GEMIN5: variants seen among roughly 807,000 people sequenced by gnomAD.
The protein encoded by GEMIN5 is gem-associated protein 5.
A neutral mutation model predicts 176.9 loss-of-function variants in GEMIN5; 124 were observed. That is an observed-to-expected ratio of 0.70 (90% CI 0.61 to 0.81). The LOEUF (loss-of-function observed/expected upper bound fraction) is 0.81, where lower values mean the gene tolerates loss of function less well. GEMIN5 is among the 40% of genes least tolerant of loss of function. The pLI, the probability that GEMIN5 is intolerant of heterozygous loss-of-function variation, is 0.00. For synonymous variants in GEMIN5, 673 were observed against 665.2 expected, an observed-to-expected ratio of 1.01 and a Z score of -0.18; for missense variants, 1,843 against 1,814.6, an observed-to-expected ratio of 1.02 and a Z score of -0.28.
At chr5:154,924,378 G>A in intron 9 of GEMIN5, 91 bp downstream of exon 9, 1 of 734,530 alleles carries the variant, frequency 1.4e-6, no homozygotes, top group Non-Finnish European at 2.4e-6. Context: ...GCAACGTTAT[G>A]AAAAGGAAAG....
chr5:154,904,120 G>A (rs1246480728), intron 18 of GEMIN5, among the ~76,000 whole-genome samples: 1 of 151,942 alleles, frequency 6.6e-6, no homozygotes, highest in African/African-American at 2.4e-5. Context: ...GCCATATTAT[G>A]AGCATATTTC....
chr5:154,932,392 A>C, intron 3 of GEMIN5, 142 bp from the exon 4 acceptor site: 1 of 617,796 alleles, frequency 1.6e-6, no homozygotes, highest in Non-Finnish European at 2.8e-6. Context: ...AGAGGACAAA[A>C]AATAATTTTG....
chr5:154,931,880 G>A (rs953864090), intron 4 of GEMIN5, among the ~76,000 whole-genome samples: 1 of 152,234 alleles, frequency 6.6e-6, no homozygotes, highest in African/African-American at 2.4e-5. Context: ...GGGCGTGGTG[G>A]CGCATGCCTG....
At chr5:154,888,880 CAG>C (rs1192882925) in intron 27 of GEMIN5, among the ~76,000 whole-genome samples, 16 of 100,982 alleles carry the variant, frequency 1.6e-4, no homozygotes, top group Admixed American at 8.8e-4. Context: ...TTTTTTGAGA[CAG>C]AGTCTCGCTC....
Position 154,899,180 on chromosome 5 carries a change from C to A in GEMIN5, c.3134+11G>T. On this transcript the variant is annotated intron_variant, in intron 22 of 27. Transcript: ENST00000285873. Reference sequence around the variant, plus strand: ...CTATGTTGGAAGCATCCCTCCACTCCTCAGGCTTACCATTTGGCAGCTACA... The same window carrying A: ...CTATGTTGGAAGCATCCCTCCACTCATCAGGCTTACCATTTGGCAGCTACA... 1 of 1,607,966 alleles carries A rather than the reference C, an allele frequency of 6.2e-7. No homozygotes were observed.
chr5:154,937,473 T>C (rs1015670893), intron 1 of GEMIN5, among the ~76,000 whole-genome samples: 2 of 152,232 alleles, frequency 1.3e-5, no homozygotes, highest in Non-Finnish European at 2.9e-5. Context: ...AATGTGAAAG[T>C]GACTCTTATT....
chr5:154,893,735 ATTCTTC>A (rs1195602313), intron 24 of GEMIN5, among the ~76,000 whole-genome samples: 1 of 151,736 alleles, frequency 6.6e-6, no homozygotes, highest in African/African-American at 2.4e-5. Flanking sequence ...ATTCACCGAT[ATTCTTC>A]TTCTTCTTCT....
Position 154,937,982 on chromosome 5 carries a change from G to T in GEMIN5, c.152C>A (p.Thr51Lys), listed in dbSNP as rs765700470. 6.4e-7 allele frequency: 1 copy of T among 1,574,442 alleles called. No homozygotes were observed. The highest frequency in any genetic ancestry group is 1.1e-5 in the South Asian group (1 of 87,790). The change falls in exon 1 of 28, where the codon ACA becomes AAA. Residue 51 changes from threonine to lysine, a missense_variant. Thr to Lys is a moderately conservative substitution (Grantham distance 78, BLOSUM62 -1). Transcript: ENST00000285873. ...VGPGAGESPG[T>K]PPFRVIGELV... Reference sequence around the variant, plus strand: ...TGGTGAGTTACCTCGAAACGGGGGTGTCCCTGGACTCTCGCCTGCGCCCGG... The same window carrying T: ...TGGTGAGTTACCTCGAAACGGGGGTTTCCCTGGACTCTCGCCTGCGCCCGG...
At position 154,938,009 on chromosome 5, in the gene GEMIN5, C is replaced by A. The variant is rs1472268474; in HGVS notation, c.125G>T (p.Gly42Val). ...CCCTGGACTCTCGCCTGCGCCCGGGCCCACGCGGACAAGGAAGACGGAGGT... is the reference window on the plus strand; with the variant it reads ...CCCTGGACTCTCGCCTGCGCCCGGGACCACGCGGACAAGGAAGACGGAGGT... ...ARTSVFLVRV[G>V]PGAGESPGTP... Residue 42 changes from glycine (G) to valine (V), a missense_variant, in exon 1 of 28, where the codon GGC becomes GTC. Transcript: ENST00000285873. The A allele has an allele frequency of 1.3e-6, 2 of 1,569,564 alleles. No individual in the cohort carries two copies. Among genetic ancestry groups the A allele is most frequent in the African/African-American group, 1.4e-5 (1 of 71,374 alleles).
chr5:154,892,262 T>A, intron 25 of GEMIN5, 125 bp downstream of exon 25: 1 of 769,798 alleles, frequency 1.3e-6, no homozygotes, highest in Non-Finnish European at 2.1e-6. Context: ...CCAAACTTTC[T>A]ACTAAAATGA....
At chr5:154,896,371 C>A in intron 23 of GEMIN5, 28 bp from the exon 24 acceptor site, 1 of 1,539,700 alleles carries the variant, frequency 6.5e-7, no homozygotes, top group Non-Finnish European at 8.7e-7. Flanking sequence ...GGAAGAGGAA[C>A]TGTTATACAG....
chr5:154,937,714 A>T (rs1280012295), intron 1 of GEMIN5, among the ~76,000 whole-genome samples: 2 of 152,160 alleles, frequency 1.3e-5, no homozygotes, highest in Non-Finnish European at 2.9e-5. Context: ...AATGGCCGAG[A>T]CTATACAAGG....
intron 21 of GEMIN5, among the ~76,000 whole-genome samples, chr5:154,900,097 T>C (rs998058273): frequency 1.3e-5 from 2 of 152,212 alleles, no homozygotes; most frequent in Admixed American, 6.5e-5. Flanking sequence ...AATTAGAATT[T>C]TAGAAAACTT....
Position 154,898,591 on chromosome 5 carries a change from G to A in GEMIN5, c.3194C>T (p.Ala1065Val), listed in dbSNP as rs115551140. The change falls in exon 23 of 28, where the codon GCG becomes GTG. Residue 1065 changes from alanine (A) to valine (V), a missense_variant. Transcript: ENST00000285873. ...AAKVLAKKGD[A>V]ASLRTAAELA... ...CTCTGCAGCCGTTCTAAGTGATGCC[G>A]CATCCCCCTTTTTGGCCAAAACTTT... 0.01 allele frequency: 16,162 copies of A among 1,613,982 alleles called. 94 individuals carry two copies. Among genetic ancestry groups the A allele is most frequent in the Non-Finnish European group, 0.012 (14,420 of 1,179,866 alleles).
rs960290031 is a variant in GEMIN5, at chr5:154,898,566, C to T, written c.3219G>A (p.Glu1073=). ...GDAASLRTAA[E]LAAIVGEDEL... ...CATCCTCTCCTACGATGGCAGCCAA[C>T]TCTGCAGCCGTTCTAAGTGATGCCG... The change falls in exon 23 of 28, where the codon GAG becomes GAA. Residue 1073 remains glutamate (E), a synonymous_variant. Coordinates refer to ENST00000285873, the MANE Select transcript of GEMIN5 (RefSeq NM_015465.5). 1.9e-6 allele frequency: 3 copies of T among 1,614,070 alleles called. No homozygotes were observed. The African/African-American group carries it at 4.0e-5, about 22-fold the overall frequency.
rs923828236 is a variant in GEMIN5, at chr5:154,895,968, C to T, written c.3597+124G>A. On this transcript the variant is annotated intron_variant, in intron 24 of 27. Transcript: ENST00000285873. ...AAAGGGATCTTTCCAGGTGGCGTGG[C>T]CATGCCTTAGCCTTTTCTGAAACAC... The T allele has an allele frequency of 3.6e-6, 4 of 1,096,860 alleles. No homozygotes were observed. The African/African-American group carries it at 6.4e-5, about 17-fold the overall frequency. 67.9% of individuals were successfully genotyped at this position (1,096,860 alleles called of 1,614,324 possible). A position where few individuals can be genotyped will look rare whatever the true frequency, so the allele number is the denominator to read the frequency against.
chr5:154,890,448 C>T (rs1461045973), intron 26 of GEMIN5, among the ~76,000 whole-genome samples: 2 of 151,692 alleles, frequency 1.3e-5, no homozygotes, highest in South Asian at 4.2e-4. Flanking sequence ...TCCTTTGTCA[C>T]CTGGCTTCTT....
At chr5:154,889,033 C>A (rs916700296) in intron 27 of GEMIN5, among the ~76,000 whole-genome samples, 1 of 152,030 alleles carries the variant, frequency 6.6e-6, no homozygotes, top group Non-Finnish European at 1.5e-5. Flanking sequence ...CCTGCCCCCA[C>A]GCCCGGCTAA....
chr5:154,937,169 C>A lies in GEMIN5; in HGVS notation c.183G>T (p.Val61=). 3 of 1,610,348 alleles carry A rather than the reference C, an allele frequency of 1.9e-6. No individual in the cohort carries two copies. The highest frequency in any genetic ancestry group is 2.5e-6 in the Non-Finnish European group (3 of 1,177,708). The part of the protein sequence containing the change: ...TPPFRVIGEL[V]GHTERVSGFT... ...AGCCAGAGACCCTTTCGGTGTGTCC[C>A]ACCAACTCTCCTATGACTTTAAGCA... The change falls in exon 2 of 28, where the codon GTG becomes GTT. Residue 61 remains valine, a synonymous_variant. Coordinates refer to ENST00000285873, the MANE Select transcript of GEMIN5 (RefSeq NM_015465.5).
Sources: allele counts gnomAD v4.1 joint callset (sites outside exome capture counted in the v4.1 genomes callset), GRCh38; gene constraint gnomAD v4.1.1; transcripts MANE v1.5; gene names NCBI Gene and HGNC (gene_info 2026-07-23, HGNC 2026-07-21).